ASIC2: variants seen among roughly 807,000 people sequenced by gnomAD.
The protein encoded by ASIC2 is acid-sensing ion channel 2.
Under a neutral mutation model 57.3 loss-of-function variants are expected in ASIC2, and 25 were observed. The observed-to-expected ratio is 0.44, with a 90% confidence interval of 0.32 to 0.61. ASIC2 has a LOEUF of 0.61. Ranked by LOEUF, ASIC2 falls within the 20% of genes least tolerant of loss-of-function variation. The pLI, the probability that ASIC2 is intolerant of heterozygous loss-of-function variation, is 0.06. For synonymous variants in ASIC2, 319 were observed against 307.5 expected (o/e 1.04, Z -0.39); for missense variants, 641 against 738.1 (o/e 0.87, Z 1.52).
At chr17:33,963,898 G>T (rs1411109712) in intron 1 of ASIC2, among the ~76,000 whole-genome samples, 1 of 152,190 alleles carries the variant, frequency 6.6e-6, no homozygotes, top group East Asian at 1.9e-4. Context: ...AAGAAAGATT[G>T]CTAAATTTGG....
intron 1 of ASIC2, among the ~76,000 whole-genome samples, chr17:33,736,639 A>G (rs1200322508): frequency 6.6e-6 from 1 of 152,344 alleles, no homozygotes. Context: ...TAAGCTTATA[A>G]AAAGTCAAAT....
At position 33,997,203 on chromosome 17, in the gene ASIC2, G is replaced by T. The variant is rs949696268; in HGVS notation, c.555+158775C>A. 2.0e-5 allele frequency among the ~76,000 whole-genome samples: 3 copies of T among 151,612 alleles called. No homozygotes were observed. The East Asian group carries it at 5.8e-4, about 29-fold the overall frequency. On this transcript the variant is annotated intron_variant, in intron 1 of 9. Transcript: ENST00000359872. ...GTCACCTAGGCTGGAGTGAAGTGGT[G>T]CAGCCTCGGTTCACTGCAGTCTTGA...
intron 1 of ASIC2, among the ~76,000 whole-genome samples, chr17:34,131,863 A>AGTG: frequency 6.6e-6 from 1 of 152,310 alleles, no homozygotes; most frequent in African/African-American, 2.4e-5. Flanking sequence ...TGAAAGCCTG[A>AGTG]GTGCTGGCCC....
intron 1 of ASIC2, among the ~76,000 whole-genome samples, chr17:34,028,299 A>C (rs1426990850): frequency 6.6e-6 from 1 of 152,186 alleles, no homozygotes; most frequent in Non-Finnish European, 1.5e-5. Context: ...AGGAGGAACA[A>C]AGAGTTCTTG....
intron 1 of ASIC2, among the ~76,000 whole-genome samples, chr17:33,681,956 A>G (rs916344843): frequency 1.3e-5 from 2 of 151,382 alleles, no homozygotes; most frequent in African/African-American, 4.9e-5. Context: ...TCTGCCCCTC[A>G]CTTTCTCATT....
chr17:33,451,263 C>G (rs1220727691), intron 1 of ASIC2, among the ~76,000 whole-genome samples: 1 of 151,958 alleles, frequency 6.6e-6, no homozygotes, highest in Non-Finnish European at 1.5e-5. Context: ...TTCATGTTGC[C>G]CAGGCTGGTC....
In ASIC2 at chr17:33,676,380, C is replaced by T. The variant is rs137956907; in HGVS notation, c.555+479598G>A. ...GAAAGCTGAGACTGGCCTAAAGCTACGCCTCTTTCACTAAATAGCCAAATT... is the reference window on the plus strand; with the variant it reads ...GAAAGCTGAGACTGGCCTAAAGCTATGCCTCTTTCACTAAATAGCCAAATT... On this transcript the variant is annotated intron_variant, in intron 1 of 9. Coordinates refer to the ASIC2 transcript ENST00000359872. 3.0e-4 allele frequency among the ~76,000 whole-genome samples: 45 copies of T among 152,308 alleles called. No individual in the cohort carries two copies. The East Asian group carries it at 3.3e-3, about 11-fold the overall frequency.
intron 1 of ASIC2, among the ~76,000 whole-genome samples, chr17:33,963,539 A>G (rs1597951978): frequency 6.6e-6 from 1 of 152,206 alleles, no homozygotes; most frequent in Admixed American, 6.5e-5. Context: ...ATTGGACAGA[A>G]CCGAGAAGAA....
intron 1 of ASIC2, among the ~76,000 whole-genome samples, chr17:33,253,722 G>A (rs1441203369): frequency 6.6e-6 from 1 of 152,124 alleles, no homozygotes; most frequent in Non-Finnish European, 1.5e-5. Context: ...AGAGGAAAGT[G>A]AGGATCTGAT....
At chr17:33,428,935 G>C (rs1183379962) in intron 1 of ASIC2, among the ~76,000 whole-genome samples, 1 of 152,150 alleles carries the variant, frequency 6.6e-6, no homozygotes, top group Admixed American at 6.5e-5. Context: ...CAGGGGGCTC[G>C]GCTGTCTCTT....
At chr17:33,875,185 T>C (rs896592550) in intron 1 of ASIC2, among the ~76,000 whole-genome samples, 1 of 152,216 alleles carries the variant, frequency 6.6e-6, no homozygotes, top group African/African-American at 2.4e-5. Context: ...CACTTAACAG[T>C]ACCAGTCCAT....
In ASIC2 at chr17:33,291,740, G is replaced by A; in HGVS notation, c.376C>T (p.Arg126Cys). The change falls in exon 1 of 10, where the codon CGC (arginine) becomes TGC (cysteine). Residue 126 changes from arginine (R) to cysteine (C), a missense_variant. By Grantham distance (180) the Arg-to-Cys change is radical. This residue lies in a region of ASIC2 where 382 missense variants were observed against 398.0 expected (regional missense o/e 0.96). Transcript: ENST00000225823. ...SHTRVHREWS[R>C]QLPFPAVTVC... ...GTGACGGCGGGGAAGGGTAACTGGC[G>A]GCTCCACTCGCGGTGCACCCGCGTG... 1 of 1,613,290 alleles carries A rather than the reference G, an allele frequency of 6.2e-7. No homozygotes were observed. The highest frequency in any genetic ancestry group is 1.1e-5 in the South Asian group (1 of 91,086).
At chr17:34,071,040 A>G (rs1478085016) in intron 1 of ASIC2, 1 of 152,184 alleles carries the variant, frequency 6.6e-6, no homozygotes, top group Non-Finnish European at 1.5e-5. Flanking sequence ...CTGTGGGAAG[A>G]TATGACGTAC....
intron 1 of ASIC2, among the ~76,000 whole-genome samples, chr17:33,544,513 C>T (rs1276647659): frequency 6.6e-6 from 1 of 152,184 alleles, no homozygotes; most frequent in East Asian, 1.9e-4. Context: ...ATCAGCATTG[C>T]ACTGAAGGTT....
At chr17:33,830,079 A>G (rs1171785492) in intron 1 of ASIC2, among the ~76,000 whole-genome samples, 1 of 152,166 alleles carries the variant, frequency 6.6e-6, no homozygotes. Flanking sequence ...CCTATAACTG[A>G]GTTTTAAAAA....
intron 1 of ASIC2, among the ~76,000 whole-genome samples, chr17:33,685,119 CT>C (rs1908141382): frequency 6.6e-6 from 1 of 152,178 alleles, no homozygotes; most frequent in Non-Finnish European, 1.5e-5. Flanking sequence ...CCTGGGGGGG[CT>C]TAGTCTTTCA....
At chr17:33,210,783 A>C (rs1907238777) in intron 1 of ASIC2, among the ~76,000 whole-genome samples, 1 of 152,272 alleles carries the variant, frequency 6.6e-6, no homozygotes, top group South Asian at 2.1e-4. Flanking sequence ...GATGCTCCCT[A>C]TATACCCTCC....
intron 1 of ASIC2, among the ~76,000 whole-genome samples, chr17:33,209,967 T>G (rs1907210910): frequency 6.6e-6 from 1 of 152,162 alleles, no homozygotes; most frequent in Non-Finnish European, 1.5e-5. Flanking sequence ...TCTGTTTTGG[T>G]CTTGAGCACA....
chr17:33,052,579 A>G (rs2091981207), intron 3 of ASIC2: 1 of 152,204 alleles, frequency 6.6e-6, no homozygotes, highest in Non-Finnish European at 1.5e-5. Context: ...TTCAGGATAG[A>G]TAGGGCAGAG....
Sources: allele counts gnomAD v4.1 joint callset (sites outside exome capture counted in the v4.1 genomes callset), GRCh38; gene constraint gnomAD v4.1.1; regional missense constraint gnomAD v4.1.1; transcripts MANE v1.5; gene names NCBI Gene and HGNC (gene_info 2026-07-23, HGNC 2026-07-21).